CAST: variants seen among roughly 807,000 people sequenced by gnomAD.
The protein encoded by CAST is MIR583 host.
In CAST, 76 loss-of-function variants were observed where a neutral mutation model predicts 119.6. The observed-to-expected ratio is 0.64, with a 90% CI of 0.53 to 0.77. The LOEUF (loss-of-function observed/expected upper bound fraction) is 0.77, where lower values mean the gene tolerates loss of function less well. Among genes scored for constraint, CAST ranks in the 30% least tolerant of loss-of-function variants. CAST has a pLI of 0.00. For missense variants in CAST, 953 were observed against 946.5 expected (o/e 1.01, Z -0.09); for synonymous variants, 319 against 331.6 (o/e 0.96, Z 0.41).
intron 1 of CAST, among the ~76,000 whole-genome samples, chr5:96,595,714 C>A (rs1331111205): frequency 6.6e-6 from 1 of 151,270 alleles, no homozygotes; most frequent in South Asian, 2.1e-4. Flanking sequence ...TTCAGGGGAA[C>A]GAGGAAGAAG....
the CAST span, among the ~76,000 whole-genome samples, chr5:96,101,119 C>T: frequency 6.6e-6 from 1 of 152,130 alleles, no homozygotes; most frequent in Non-Finnish European, 1.5e-5. Flanking sequence ...CTTTGTTGCC[C>T]AGGATGGTCT....
At chr5:96,430,652 A>G in the CAST span, among the ~76,000 whole-genome samples, 1 of 152,228 alleles carries the variant, frequency 6.6e-6, no homozygotes. Flanking sequence ...CAAAAAGAGA[A>G]ATAAGCAGAA....
intron 1 of CAST, among the ~76,000 whole-genome samples, chr5:96,582,597 G>A (rs1746789177): frequency 6.6e-6 from 1 of 152,186 alleles, no homozygotes; most frequent in Non-Finnish European, 1.5e-5. Flanking sequence ...GGGGAGAATG[G>A]CATCTCATTA....
intron 1 of CAST, among the ~76,000 whole-genome samples, chr5:96,669,795 A>G (rs1749827262): frequency 6.6e-6 from 1 of 152,168 alleles, no homozygotes; most frequent in South Asian, 2.1e-4. Flanking sequence ...TGGTTTGAGG[A>G]GCGGAAACTT....
the CAST span, among the ~76,000 whole-genome samples, chr5:96,286,507 T>C: frequency 6.6e-6 from 1 of 152,172 alleles, no homozygotes; most frequent in African/African-American, 2.4e-5. Flanking sequence ...AGGGGCAAGA[T>C]ATGGACCGTG....
chr5:96,403,018 C>T, the CAST span, among the ~76,000 whole-genome samples: 1 of 152,064 alleles, frequency 6.6e-6, no homozygotes, highest in Non-Finnish European at 1.5e-5. Flanking sequence ...ACCAGTTTTC[C>T]GTTTGGATCA....
At chr5:96,224,042 C>T in the CAST span, among the ~76,000 whole-genome samples, 1 of 152,016 alleles carries the variant, frequency 6.6e-6, no homozygotes, top group African/African-American at 2.4e-5. Context: ...AAGAAAGGAG[C>T]CTGAATCTCT....
the CAST span, among the ~76,000 whole-genome samples, chr5:96,281,005 G>A: frequency 6.6e-6 from 1 of 152,190 alleles, no homozygotes; most frequent in Non-Finnish European, 1.5e-5. Flanking sequence ...TATGCCCATG[G>A]CAAAGGAATA....
the CAST span, among the ~76,000 whole-genome samples, chr5:96,039,366 T>C: frequency 6.6e-6 from 1 of 152,216 alleles, no homozygotes; most frequent in Non-Finnish European, 1.5e-5. Flanking sequence ...ATGCAGAAGC[T>C]CTTTAGTTTA....
chr5:96,278,231 T>A, the CAST span, among the ~76,000 whole-genome samples: 2 of 150,684 alleles, frequency 1.3e-5, no homozygotes, highest in African/African-American at 4.9e-5. Context: ...TGTGGGGGAG[T>A]GGTTTGTATG....
At chr5:96,171,029 G>A in the CAST span, among the ~76,000 whole-genome samples, 4 of 152,218 alleles carry the variant, frequency 2.6e-5, no homozygotes, top group East Asian at 1.9e-4. Flanking sequence ...ACTCCGCGAC[G>A]CTTGGGGTTG....
At chr5:96,735,165 G>C (rs534909533) in intron 9 of CAST, among the ~76,000 whole-genome samples, 143 of 152,230 alleles carry the variant, frequency 9.4e-4, no homozygotes, top group Non-Finnish European at 1.8e-3. Context: ...TACATAGCAA[G>C]TACTTACATA....
At chr5:96,433,957 A>G in the CAST span, 1 of 152,150 alleles carries the variant, frequency 6.6e-6, no homozygotes, top group African/African-American at 2.4e-5. Flanking sequence ...AAAATGATTA[A>G]TCATGTGATT....
At chr5:96,322,300 T>A in the CAST span, among the ~76,000 whole-genome samples, 1 of 152,096 alleles carries the variant, frequency 6.6e-6, no homozygotes, top group Non-Finnish European at 1.5e-5. Context: ...TGGTACGCTG[T>A]GTAAGGAATC....
At chr5:96,074,470 T>C in the CAST span, among the ~76,000 whole-genome samples, 2 of 152,316 alleles carry the variant, frequency 1.3e-5, no homozygotes, top group South Asian at 2.1e-4. Context: ...AGGTGGCCAC[T>C]ACAAGCTGAA....
At chr5:96,413,827 GA>G in the CAST span, among the ~76,000 whole-genome samples, 2 of 134,138 alleles carry the variant, frequency 1.5e-5, no homozygotes, top group African/African-American at 5.6e-5. Flanking sequence ...AATGCATTTA[GA>G]AAAAAAATCG....
At chr5:96,653,047 C>T (rs1748114172) in intron 1 of CAST, among the ~76,000 whole-genome samples, 1 of 152,252 alleles carries the variant, frequency 6.6e-6, no homozygotes, top group South Asian at 2.1e-4. Flanking sequence ...GAGTTTCCCA[C>T]AGCCATTATC....
chr5:96,767,709 A>G (rs1770500276), intron 28 of CAST, among the ~76,000 whole-genome samples, 198 bp from the exon 29 acceptor site: 1 of 152,212 alleles, frequency 6.6e-6, no homozygotes, highest in Non-Finnish European at 1.5e-5. Flanking sequence ...AACGTGTATT[A>G]AAGAGTAGAT....
chr5:96,744,369 G>A (rs1301841877), intron 16 of CAST, among the ~76,000 whole-genome samples: 2 of 152,166 alleles, frequency 1.3e-5, no homozygotes, highest in South Asian at 2.1e-4. Context: ...GCAAAGTCAC[G>A]TCTTACATGG....
Sources: allele counts gnomAD v4.1 joint callset (sites outside exome capture counted in the v4.1 genomes callset), GRCh38; gene constraint gnomAD v4.1.1; transcripts MANE v1.5; gene names NCBI Gene and HGNC (gene_info 2026-07-23, HGNC 2026-07-21).